Variants in LRRTM4 observed in about 807,000 individuals in gnomAD.
LRRTM4 encodes leucine rich repeat transmembrane neuronal 4.
A neutral mutation model predicts 47.6 loss-of-function variants in LRRTM4; 25 were observed. That is an observed-to-expected ratio of 0.53 (90% CI 0.38 to 0.73). The LOEUF is 0.73. Ranked by LOEUF, LRRTM4 falls within the 30% of genes least tolerant of loss-of-function variation. The pLI, the probability that LRRTM4 is intolerant of heterozygous loss-of-function variation, is 0.00. For missense variants in LRRTM4, 638 were observed against 713.4 expected (o/e 0.89, Z 1.20); for synonymous variants, 311 against 269.5 (o/e 1.15, Z -1.51).
intron 3 of LRRTM4, among the ~76,000 whole-genome samples, chr2:76,780,534 T>C (rs868846816): frequency 2.6e-4 from 40 of 151,964 alleles, no homozygotes; most frequent in South Asian, 8.5e-4. Flanking sequence ...GATACCCTTT[T>C]TTCCAGTTGA....
intron 3 of LRRTM4, among the ~76,000 whole-genome samples, chr2:77,135,861 GAATA>G (rs1425453894): frequency 8.6e-5 from 13 of 151,686 alleles, no homozygotes; most frequent in African/African-American, 1.9e-4. Context: ...TAAGTAAAAT[GAATA>G]AATAAATAAA....
intron 3 of LRRTM4, among the ~76,000 whole-genome samples, chr2:77,454,660 G>A (rs866540043): frequency 6.6e-6 from 1 of 152,054 alleles, no homozygotes; most frequent in Non-Finnish European, 1.5e-5. Context: ...AAATGTCACA[G>A]AAATAAAAGG....
intron 3 of LRRTM4, among the ~76,000 whole-genome samples, chr2:76,755,754 C>A (rs1673006988): frequency 1.3e-5 from 2 of 152,078 alleles, no homozygotes; most frequent in South Asian, 4.1e-4. Context: ...TCACAGGGTT[C>A]ACGTTATAGA....
chr2:76,938,593 A>C (rs1675034895), intron 3 of LRRTM4, among the ~76,000 whole-genome samples: 1 of 152,116 alleles, frequency 6.6e-6, no homozygotes, highest in Non-Finnish European at 1.5e-5. Flanking sequence ...AGTGAACAAA[A>C]TGAGATACTA....
chr2:77,520,363 G>T (rs557367360), intron 2 of LRRTM4, among the ~76,000 whole-genome samples: 1 of 152,166 alleles, frequency 6.6e-6, no homozygotes, highest in Admixed American at 6.6e-5. Context: ...ACCCAAGTTT[G>T]CCCTGCCTGA....
At chr2:77,485,318 C>T (rs536764091) in intron 3 of LRRTM4, among the ~76,000 whole-genome samples, 7 of 152,100 alleles carry the variant, frequency 4.6e-5, no homozygotes, top group Non-Finnish European at 8.8e-5. Flanking sequence ...ATCACAAAGT[C>T]ACAGGGAAAA....
intron 3 of LRRTM4, among the ~76,000 whole-genome samples, chr2:77,383,242 T>G (rs1439298252): frequency 6.6e-6 from 1 of 152,080 alleles, no homozygotes; most frequent in East Asian, 1.9e-4. Flanking sequence ...CCTTTCAGAT[T>G]GGGTACCATG....
chr2:77,451,763 T>C (rs1185848544), intron 3 of LRRTM4, among the ~76,000 whole-genome samples: 1 of 152,042 alleles, frequency 6.6e-6, no homozygotes, highest in Non-Finnish European at 1.5e-5. Flanking sequence ...ATAGAATGCA[T>C]GGTGTAGTGG....
intron 3 of LRRTM4, among the ~76,000 whole-genome samples, chr2:77,354,657 T>G (rs1452362180): frequency 2.6e-5 from 4 of 152,118 alleles, no homozygotes; most frequent in Admixed American, 2.0e-4. Flanking sequence ...CAATCTCAGC[T>G]TTATGCAGGT....
intron 3 of LRRTM4, among the ~76,000 whole-genome samples, chr2:77,128,710 G>C (rs1230269345): frequency 1.3e-5 from 2 of 152,208 alleles, no homozygotes; most frequent in Admixed American, 6.5e-5. Context: ...CGTGATCTCA[G>C]CTTGCTGCTA....
intron 3 of LRRTM4, among the ~76,000 whole-genome samples, chr2:77,108,934 T>A (rs2103929515): frequency 6.6e-6 from 1 of 152,282 alleles, no homozygotes; most frequent in Middle Eastern, 3.4e-3. Flanking sequence ...AGACCTAAAG[T>A]AAAATTATTT....
At chr2:76,975,403 C>CTTAT (rs34131318) in intron 3 of LRRTM4, among the ~76,000 whole-genome samples, 37,440 of 149,238 alleles carry the variant, frequency 0.25, 6,210 homozygotes, top group African/African-American at 0.48. Flanking sequence ...TCATAAGAGA[C>CTTAT]TTATTTATTT....
chr2:77,233,252 C>CT (rs1371141450), intron 3 of LRRTM4, among the ~76,000 whole-genome samples: 1 of 152,104 alleles, frequency 6.6e-6, no homozygotes, highest in Non-Finnish European at 1.5e-5. Flanking sequence ...CATTTCTATC[C>CT]TTTTTGCTCA....
At chr2:77,264,933 T>C (rs1676012479) in intron 3 of LRRTM4, among the ~76,000 whole-genome samples, 1 of 152,060 alleles carries the variant, frequency 6.6e-6, no homozygotes, top group Non-Finnish European at 1.5e-5. Flanking sequence ...TTTAGTGGAG[T>C]GTTTAGCAGT....
chr2:77,459,525 C>T (rs1259443843), intron 3 of LRRTM4, among the ~76,000 whole-genome samples: 1 of 151,924 alleles, frequency 6.6e-6, no homozygotes, highest in African/African-American at 2.4e-5. Flanking sequence ...TTGATTATAT[C>T]TCTGCACAGA....
intron 3 of LRRTM4, among the ~76,000 whole-genome samples, chr2:76,767,623 T>A (rs150109869): frequency 3.3e-5 from 5 of 152,306 alleles, no homozygotes; most frequent in African/African-American, 1.2e-4. Flanking sequence ...AAACAGATTT[T>A]CAGGGTAGCA....
At chr2:77,260,377 G>A (rs1025758579) in intron 3 of LRRTM4, among the ~76,000 whole-genome samples, 9 of 85,742 alleles carry the variant, frequency 1.0e-4, no homozygotes, top group Non-Finnish European at 2.0e-4. Flanking sequence ...AAAAAATCGT[G>A]TGTGTGTGTG....
At chr2:77,384,905 T>C (rs1371425192) in intron 3 of LRRTM4, among the ~76,000 whole-genome samples, 1 of 152,086 alleles carries the variant, frequency 6.6e-6, no homozygotes, top group African/African-American at 2.4e-5. Flanking sequence ...TTTCATGTTA[T>C]ACAAATATGC....
Position 77,218,941 on chromosome 2 carries a change from G to A in LRRTM4, c.1551+299377C>T, listed in dbSNP as rs544226479. ...AAAGTAAAATGAGGTAGATGAAAAC[G>A]TAAATAAATGAAACAAAATATGTCA... On this transcript the variant is annotated intron_variant, in intron 3 of 3. Transcript: ENST00000409884. Among the ~76,000 whole-genome samples the A allele has an allele frequency of 7.9e-5, 12 of 152,152 alleles. No individual in the cohort carries two copies. The South Asian group carries it at 1.0e-3, about 13-fold the overall frequency.
Sources: gnomAD v4.1 joint callset for allele counts (sites outside exome capture counted in the v4.1 genomes callset) on GRCh38, gnomAD v4.1.1 for gene constraint, MANE v1.5 for transcripts, NCBI Gene and HGNC (gene_info 2026-07-23, HGNC 2026-07-21) for gene names.